The following ZNF521 variants were observed in gnomAD, a reference collection of about 807,000 sequenced individuals.
ZNF521 encodes zinc finger protein 521.
A neutral mutation model predicts 105.5 loss-of-function variants in ZNF521; 14 were observed. The ratio of observed to expected loss-of-function variants is 0.13; its 90% confidence interval spans 0.09 to 0.21. The LOEUF (loss-of-function observed/expected upper bound fraction) is 0.21, where lower values mean the gene tolerates loss of function less well. ZNF521 is among the 10% of genes least tolerant of loss of function. The pLI is 1.00. For synonymous variants in ZNF521, 635 were observed against 606.0 expected, an observed-to-expected ratio of 1.05 and a Z score of -0.70; for missense variants, 1,233 against 1,629.7, an observed-to-expected ratio of 0.76 and a Z score of 4.19.
chr18:25,113,761 G>GACGGACACACACACACACAC (rs35914509), intron 5 of ZNF521, among the ~76,000 whole-genome samples: 2,783 of 101,618 alleles, frequency 0.027, 147 homozygotes, highest in African/African-American at 0.071. Context: ...AGGACGGACG[G>GACGGACACACACACACACAC]ACACACACAC....
At position 25,227,147 on chromosome 18, in the gene ZNF521, G is replaced by C. The variant is rs1253894289; in HGVS notation, c.771C>G (p.Phe257Leu). ...CAATGTGTTTTTGGAGGTCTTCCGG[G>C]AAGTCAAAGCCTTCCTCACACTGAC... Reference protein sequence around the residue: ...KCSQCEEGFDFPEDLQKHIAE... With the variant: ...KCSQCEEGFDLPEDLQKHIAE... Residue 257 changes from phenylalanine (F) to leucine (L), a missense_variant, in exon 4 of 8, where the codon TTC (phenylalanine) becomes TTG (leucine). Phe to Leu is a conservative substitution (Grantham distance 22). Transcript: ENST00000361524. This position sits in a 1 kb window ranked among gnomAD's most constrained non-coding sequence, Gnocchi z 5.7. The C allele has an allele frequency of 5.0e-6, 8 of 1,613,996 alleles. No homozygotes were observed. In the East Asian group the frequency reaches 1.8e-4, roughly 36 times the overall value.
At chr18:25,200,467 T>A (rs559133592) in intron 4 of ZNF521, among the ~76,000 whole-genome samples, 103 of 152,002 alleles carry the variant, frequency 6.8e-4, no homozygotes, top group Non-Finnish European at 1.0e-3. Flanking sequence ...ACAAAAATAA[T>A]AATTTCAATT....
chr18:25,350,791 G>A, intron 2 of ZNF521, 116 bp downstream of exon 2: 1 of 1,164,058 alleles, frequency 8.6e-7, no homozygotes, highest in Non-Finnish European at 1.2e-6. Context: ...GCGCGCCCCC[G>A]CACTCACACT....
At chr18:25,187,132 C>T (rs746380990) in intron 5 of ZNF521, among the ~76,000 whole-genome samples, 17 of 152,020 alleles carry the variant, frequency 1.1e-4, no homozygotes, top group Non-Finnish European at 1.8e-4. Flanking sequence ...AAATGCCATT[C>T]ATCTTAAAGA....
At position 25,227,758 on chromosome 18, in the gene ZNF521, C is replaced by T. The variant is rs923378668; in HGVS notation, c.221-61G>A. 5.6e-6 allele frequency: 8 copies of T among 1,437,168 alleles called. No homozygotes were observed. Among genetic ancestry groups the T allele is most frequent in the South Asian group, 5.3e-5 (4 of 74,786 alleles). 89.0% of individuals were successfully genotyped at this position (1,437,168 alleles called of 1,614,324 possible). On this transcript the variant is annotated intron_variant, in intron 3 of 7. Coordinates refer to ENST00000361524, the MANE Select transcript of ZNF521 (RefSeq NM_015461.3). This position sits in a 1 kb window ranked among gnomAD's most constrained non-coding sequence, Gnocchi z 5.7. The stretch of plus-strand genomic sequence containing the variant: ...TGTTGAGATTCAAGAGTGAGTTTAC[C>T]GTAGCATTTCAACCAGCACGCAGAG...
chr18:25,341,808 A>G (rs1914215254), intron 2 of ZNF521, among the ~76,000 whole-genome samples: 1 of 152,184 alleles, frequency 6.6e-6, no homozygotes, highest in Non-Finnish European at 1.5e-5. Context: ...AGCAATGGAA[A>G]GTATGTAGAC....
intron 5 of ZNF521, among the ~76,000 whole-genome samples, chr18:25,143,965 C>T (rs1301723666): frequency 6.6e-6 from 1 of 152,162 alleles, no homozygotes; most frequent in African/African-American, 2.4e-5. Flanking sequence ...GTTTCAGTAT[C>T]CCTTGTTAGT....
chr18:25,106,895 C>T (rs1313170145), intron 5 of ZNF521, among the ~76,000 whole-genome samples: 1 of 152,096 alleles, frequency 6.6e-6, no homozygotes, highest in Non-Finnish European at 1.5e-5. Flanking sequence ...GTATACAAGG[C>T]ATGTACTAGG....
chr18:25,223,997 T>C lies in ZNF521; in HGVS notation c.3573+348A>G, dbSNP rs1380715761. The C allele has an allele frequency of 3.8e-5, 10 of 263,472 alleles. No homozygotes were observed. In the Admixed American group the frequency reaches 4.7e-4, roughly 12 times the overall value. 16.3% of individuals were successfully genotyped at this position (263,472 alleles called of 1,614,324 possible). On this transcript the variant is annotated intron_variant, in intron 4 of 7. Coordinates refer to ENST00000361524, the MANE Select transcript of ZNF521 (RefSeq NM_015461.3). ...TCTTACTTTTGAGTCATTATCTCTC[T>C]GCCATACACACAAGTCATAGCTGGG...
chr18:25,287,381 A>G (rs913007798), intron 3 of ZNF521, among the ~76,000 whole-genome samples: 3 of 152,188 alleles, frequency 2.0e-5, no homozygotes, highest in African/African-American at 7.2e-5. Flanking sequence ...TGTACTTATT[A>G]CAGGACTGTC....
At chr18:25,078,632 A>G (rs758643846) in intron 7 of ZNF521, among the ~76,000 whole-genome samples, 9 of 152,258 alleles carry the variant, frequency 5.9e-5, no homozygotes, top group Admixed American at 1.3e-4. Flanking sequence ...TCTGCAGCTT[A>G]TAACACAGTA....
At chr18:25,308,648 A>ACC (rs764455271) in intron 3 of ZNF521, among the ~76,000 whole-genome samples, 1 of 116,358 alleles carries the variant, frequency 8.6e-6, no homozygotes. Flanking sequence ...CCTTAATGAC[A>ACC]TCCCCCCCCC....
chr18:25,183,281 T>C (rs1462441057), intron 5 of ZNF521, among the ~76,000 whole-genome samples: 1 of 152,188 alleles, frequency 6.6e-6, no homozygotes, highest in Admixed American at 6.6e-5. Context: ...GAAATACTTA[T>C]TATAAAGCTC....
At chr18:25,068,691 T>A (rs576660578) in intron 7 of ZNF521, among the ~76,000 whole-genome samples, 3 of 152,136 alleles carry the variant, frequency 2.0e-5, no homozygotes, top group African/African-American at 7.2e-5. Context: ...TTTAAATGTG[T>A]CTGTACGGGT....
At chr18:25,211,443 A>G (rs548595898) in intron 4 of ZNF521, among the ~76,000 whole-genome samples, 3 of 152,204 alleles carry the variant, frequency 2.0e-5, no homozygotes, top group Non-Finnish European at 4.4e-5. Flanking sequence ...GCCCTCCCAG[A>G]CAATCCGTTA....
chr18:25,148,814 T>C (rs1175530432), intron 5 of ZNF521, among the ~76,000 whole-genome samples: 1 of 152,182 alleles, frequency 6.6e-6, no homozygotes, highest in East Asian at 1.9e-4. Context: ...TTTTAATGCT[T>C]AACATCAGAA....
chr18:25,141,004 G>A (rs563958994), intron 5 of ZNF521, among the ~76,000 whole-genome samples: 3 of 152,250 alleles, frequency 2.0e-5, no homozygotes, highest in South Asian at 2.1e-4. Context: ...AGGCACTCTC[G>A]CTTCTTCAAG....
rs778159712 is a variant in ZNF521 at position 25,322,071 on chromosome 18, G to A, written c.157C>T (p.Leu53Phe). Residue 53 changes from leucine to phenylalanine, a missense_variant, in exon 3 of 8, where the codon CTC becomes TTC. By Grantham distance (22) the Leu-to-Phe change is conservative. Around this residue, in one of 6 missense-constraint regions of ZNF521, gnomAD observed 76 missense variants for 79.3 expected, o/e 0.96. Coordinates refer to ENST00000361524, the MANE Select transcript of ZNF521 (RefSeq NM_015461.3). ...DEAVHSCDSC[L>F]QVFESLSDIT... ...TCGCTCAGCGATTCAAACACCTGGAGGCAGCTGTCACAGCTGTGCACAGCT... is the reference window on the plus strand; with the variant it reads ...TCGCTCAGCGATTCAAACACCTGGAAGCAGCTGTCACAGCTGTGCACAGCT... The A allele has an allele frequency of 6.2e-7, 1 of 1,614,160 alleles. No homozygotes were observed. The highest frequency in any genetic ancestry group is 8.5e-7 in the Non-Finnish European group (1 of 1,180,034).
intron 3 of ZNF521, among the ~76,000 whole-genome samples, chr18:25,275,473 C>T (rs1218387600): frequency 6.6e-6 from 1 of 152,174 alleles, no homozygotes; most frequent in African/African-American, 2.4e-5. Flanking sequence ...TCCGGGCACC[C>T]ACTCATGCGG....
Sources: allele counts gnomAD v4.1 joint callset (sites outside exome capture counted in the v4.1 genomes callset), GRCh38; gene constraint gnomAD v4.1.1; regional missense constraint gnomAD v4.1.1; non-coding constraint Gnocchi (gnomAD v3.1); transcripts MANE v1.5; gene names NCBI Gene and HGNC (gene_info 2026-07-23, HGNC 2026-07-21).